Variants in LRRC34 observed in about 807,000 individuals in gnomAD.
LRRC34 encodes the protein leucine rich repeat containing 34.
A neutral mutation model predicts 48.5 loss-of-function variants in LRRC34; 44 were observed. The ratio of observed to expected loss-of-function variants is 0.91; its 90% CI spans 0.71 to 1.17. The LOEUF is 1.17. Among genes scored for constraint, LRRC34 ranks in the 50% most tolerant of loss-of-function variants. The probability of loss-of-function intolerance (pLI) is 0.00; values close to 1 mark genes in which losing one functional copy is unlikely to be tolerated. For missense variants in LRRC34, 502 were observed against 563.0 expected (o/e 0.89, Z 1.10); for synonymous variants, 192 against 197.6 (o/e 0.97, Z 0.24).
intron 5 of LRRC34, 38 bp from the exon 6 acceptor site, chr3:169,804,219 C>T: frequency 6.6e-7 from 1 of 1,504,166 alleles, no homozygotes; most frequent in African/African-American, 1.4e-5. Context: ...AATTGTTAAT[C>T]CACAGAATTC....
chr3:169,809,375 TG>T (rs1367202240), intron 1 of LRRC34, among the ~76,000 whole-genome samples: 6 of 152,180 alleles, frequency 3.9e-5, no homozygotes, highest in African/African-American at 1.4e-4. Flanking sequence ...CAAGTTTGAA[TG>T]TAACTGTCAT....
chr3:169,801,782 A>C (rs1179625902), intron 6 of LRRC34, among the ~76,000 whole-genome samples: 1 of 152,118 alleles, frequency 6.6e-6, no homozygotes, highest in Non-Finnish European at 1.5e-5. Flanking sequence ...GCCATATCTC[A>C]GTATGCAAAA....
chr3:169,812,873 G>T lies in LRRC34; in HGVS notation c.-325C>A, dbSNP rs1027815478. ...TGCACCGGCCTGCCGGGCCAGCGAA[G>T]AAGCAGAGTAGCATCAGCACATGAT... On this transcript the variant is annotated 5_prime_UTR_variant, in exon 1 of 11. Transcript: ENST00000446859. This position sits in a 1 kb window ranked among gnomAD's most constrained non-coding sequence, Gnocchi z 4.3. 54 of 328,772 alleles carry T rather than the reference G, an allele frequency of 1.6e-4. No homozygotes were observed. In the Middle Eastern group the frequency reaches 4.1e-3, roughly 25 times the overall value. 20.4% of individuals were successfully genotyped at this position (328,772 alleles called of 1,614,324 possible).
rs1779012053 is a variant in LRRC34 at position 169,796,917 on chromosome 3, C to T, written c.754-18G>A. ...GACTCTTCCTAAAAGTGGATAAAATCTTATTTCTAAAATATAATTTTGAAG... is the reference window on the plus strand; with the variant it reads ...GACTCTTCCTAAAAGTGGATAAAATTTTATTTCTAAAATATAATTTTGAAG... On this transcript the variant is annotated intron_variant, in intron 7 of 10. Coordinates refer to ENST00000446859, the MANE Select transcript of LRRC34 (RefSeq NM_001172779.2). The T allele has an allele frequency of 6.7e-7, 1 of 1,494,532 alleles. No individual in the cohort carries two copies. The highest frequency in any genetic ancestry group is 8.9e-7 in the Non-Finnish European group (1 of 1,118,790). The allele number at this position is 1,494,532 out of a possible 1,614,324, so 92.6% of individuals were successfully genotyped here.
chr3:169,809,858 C>T (rs1005123215), intron 1 of LRRC34, among the ~76,000 whole-genome samples: 2 of 151,950 alleles, frequency 1.3e-5, no homozygotes, highest in African/African-American at 4.8e-5. Context: ...ACATGAGGAA[C>T]ATTACATTTC....
At chr3:169,798,046 G>C (rs1038291088) in intron 7 of LRRC34, among the ~76,000 whole-genome samples, 1 of 152,222 alleles carries the variant, frequency 6.6e-6, no homozygotes, top group Non-Finnish European at 1.5e-5. Flanking sequence ...GGAATGCTAT[G>C]TAGACTAGGA....
chr3:169,800,142 TAGG>T (rs1445951985), intron 7 of LRRC34, among the ~76,000 whole-genome samples: 13 of 152,358 alleles, frequency 8.5e-5, no homozygotes, highest in African/African-American at 2.6e-4. Context: ...TTACAAGTGA[TAGG>T]AGAAGAAAGC....
rs745474088 is a variant in LRRC34 at position 169,812,531 on chromosome 3, C to G, written c.18G>C (p.Pro6=). MAAQP[P]RPVGERSMGS... ...CCATGCTCCTCTCACCCACTGGCCG[C>G]GGCGGCTGCGCTGCCATGGCGACCG... Residue 6 remains proline, a synonymous_variant, in exon 1 of 11, where the codon CCG becomes CCC. Coordinates refer to ENST00000446859, the MANE Select transcript of LRRC34 (RefSeq NM_001172779.2). The surrounding 1 kb of genome is among the most constrained non-coding windows in gnomAD (Gnocchi z 4.3). The G allele has an allele frequency of 6.6e-7, 1 of 1,505,228 alleles. No individual in the cohort carries two copies. The highest frequency in any genetic ancestry group is 1.2e-5 in the South Asian group (1 of 80,186). The allele number at this position is 1,505,228 out of a possible 1,614,324, so 93.2% of individuals were successfully genotyped here.
At chr3:169,803,302 A>T (rs762038118) in intron 6 of LRRC34, among the ~76,000 whole-genome samples, 4 of 152,110 alleles carry the variant, frequency 2.6e-5, no homozygotes, top group Non-Finnish European at 5.9e-5. Flanking sequence ...GTAACCTCAA[A>T]CTCCTGGGCT....
At chr3:169,809,199 CTTTTTTT>C (rs35059929) in intron 1 of LRRC34, among the ~76,000 whole-genome samples, 5 of 113,364 alleles carry the variant, frequency 4.4e-5, no homozygotes, top group Non-Finnish European at 7.5e-5. Flanking sequence ...CTCAAGGTTT[CTTTTTTT>C]TTTTTTTTTT....
rs1202463704 is a variant in LRRC34 at position 169,807,464 on chromosome 3, A to G, written c.406T>C (p.Cys136Arg). Residue 136 changes from cysteine to arginine, a missense_variant, in exon 4 of 11, where the codon TGT becomes CGT. By Grantham distance (180) the Cys-to-Arg change is radical. Coordinates refer to ENST00000446859, the MANE Select transcript of LRRC34 (RefSeq NM_001172779.2). ...GCAGCATAGTATGCACCAACATCACATAGAAGGTTATATCCAACATCCAAA... is the reference window on the plus strand; with the variant it reads ...GCAGCATAGTATGCACCAACATCACGTAGAAGGTTATATCCAACATCCAAA... ...NGLDVGYNLL[C>R]DVGAYYAAKL... is the part of the protein sequence containing the mutation. 1.9e-6 allele frequency: 3 copies of G among 1,613,944 alleles called. No individual in the cohort carries two copies. The highest frequency in any genetic ancestry group is 4.5e-5 in the East Asian group (2 of 44,862).
chr3:169,803,437 C>T (rs1779264555), intron 6 of LRRC34, among the ~76,000 whole-genome samples: 1 of 152,158 alleles, frequency 6.6e-6, no homozygotes, highest in African/African-American at 2.4e-5. Flanking sequence ...TAAGTAACTA[C>T]TAAAAAGTAT....
intron 7 of LRRC34, among the ~76,000 whole-genome samples, chr3:169,797,455 C>A (rs1779033374): frequency 6.6e-6 from 1 of 152,066 alleles, no homozygotes; most frequent in Non-Finnish European, 1.5e-5. Flanking sequence ...ATTTTCTGAT[C>A]ATCAGAAGAC....
Position 169,806,881 on chromosome 3 carries a change from G to A in LRRC34, c.495C>T (p.Pro165=), listed in dbSNP as rs770859736. The A allele has an allele frequency of 4.7e-5, 75 of 1,606,740 alleles. 1 individual carries two copies. The highest frequency in any genetic ancestry group is 1.6e-4 in the Middle Eastern group (1 of 6,062). ...CTTTAGCAATCAATTCTCCACCTTC[G>A]GGCCCAATATCATTAAACATGAGGT... is the stretch of plus-strand genomic sequence containing the variant. The part of the protein sequence containing the change: ...YLNLMFNDIG[P]EGGELIAKVL... The change falls in exon 5 of 11, where the codon CCC becomes CCT. Residue 165 remains proline (P), a synonymous_variant. Transcript: ENST00000446859.
In LRRC34 at chr3:169,804,133, T is replaced by A; in HGVS notation, c.577A>T (p.Asn193Tyr). 6.2e-7 allele frequency: 1 copy of A among 1,606,504 alleles called. No homozygotes were observed. Among genetic ancestry groups the A allele is most frequent in the Non-Finnish European group, 8.5e-7 (1 of 1,176,188 alleles). Residue 193 changes from asparagine to tyrosine, a missense_variant, in exon 6 of 11, where the codon AAT becomes TAT. Transcript: ENST00000446859. Reference sequence around the variant, plus strand: ...GCAGCAAAAAACATTCCACCTTTATTTTCAATTTTGTTTCCAGTCATTCTT... The same window carrying A: ...GCAGCAAAAAACATTCCACCTTTATATTCAATTTTGTTTCCAGTCATTCTT... Reference protein sequence around the residue: ...YLRMTGNKIENKGGMFFAAML... With the variant: ...YLRMTGNKIEYKGGMFFAAML...
At chr3:169,810,017 C>G (rs148649967) in intron 1 of LRRC34, among the ~76,000 whole-genome samples, 1 of 148,682 alleles carries the variant, frequency 6.7e-6, no homozygotes, top group South Asian at 2.1e-4. Flanking sequence ...AGAGCAGGAG[C>G]GCAATCTCGG....
Position 169,804,123 on chromosome 3 carries a change from C to G in LRRC34, c.587G>C (p.Gly196Ala). The G allele has an allele frequency of 6.2e-7, 1 of 1,606,718 alleles. No homozygotes were observed. The highest frequency in any genetic ancestry group is 2.2e-5 in the East Asian group (1 of 44,572). The change falls in exon 6 of 11, where the codon GGA becomes GCA. Residue 196 changes from glycine to alanine, a missense_variant. Coordinates refer to ENST00000446859, the MANE Select transcript of LRRC34 (RefSeq NM_001172779.2). The stretch of plus-strand genomic sequence containing the variant: ...TTGCAGCATTGCAGCAAAAAACATT[C>G]CACCTTTATTTTCAATTTTGTTTCC... ...MTGNKIENKGGMFFAAMLQIN... is the reference protein window; with the variant it reads ...MTGNKIENKGAMFFAAMLQIN...
chr3:169,807,000 T>A (rs1779399119), intron 4 of LRRC34, 69 bp from the exon 5 acceptor site: 3 of 837,340 alleles, frequency 3.6e-6, no homozygotes, highest in South Asian at 1.5e-5. Flanking sequence ...TACATGTATA[T>A]ACATATACAC....
Position 169,812,786 on chromosome 3 carries a change from CGCT to C in LRRC34, c.-241_-239del, listed in dbSNP as rs1576754871. Reference sequence around the variant, plus strand: ...GGAGTTCCCGAGGTTTGAGGGGCTCCGCTGCTGAGCTAGGGCTGGGGCTACAAA... The same window carrying C: ...GGAGTTCCCGAGGTTTGAGGGGCTCCGCTGAGCTAGGGCTGGGGCTACAAA... On this transcript the variant is annotated 5_prime_UTR_variant, in exon 1 of 11. Coordinates refer to ENST00000446859, the MANE Select transcript of LRRC34 (RefSeq NM_001172779.2). The surrounding 1 kb of genome is among the most constrained non-coding windows in gnomAD (Gnocchi z 4.3). 1.2e-5 allele frequency: 6 copies of C among 514,374 alleles called. No homozygotes were observed. The East Asian group carries it at 2.1e-4, about 18-fold the overall frequency. 31.9% of individuals were successfully genotyped at this position (514,374 alleles called of 1,614,324 possible).
Sources: gnomAD v4.1 joint callset for allele counts (sites outside exome capture counted in the v4.1 genomes callset) on GRCh38, gnomAD v4.1.1 for gene constraint, Gnocchi (gnomAD v3.1) non-coding constraint, MANE v1.5 for transcripts, NCBI Gene and HGNC (gene_info 2026-07-23, HGNC 2026-07-21) for gene names.